GULP1: variants seen among roughly 807,000 people sequenced by gnomAD.
The protein encoded by GULP1 is PTB domain-containing engulfment adapter protein 1.
GULP1 carries 19 observed loss-of-function variants against 40.9 expected under a neutral mutation model. That is an observed-to-expected ratio of 0.46 (90% CI 0.32 to 0.68). GULP1 has a LOEUF of 0.68. Ranked by LOEUF, GULP1 falls within the 30% of genes least tolerant of loss-of-function variation. The probability of loss-of-function intolerance (pLI) is 0.03; values close to 1 mark genes in which losing one functional copy is unlikely to be tolerated. For missense variants in GULP1, 312 were observed against 362.2 expected, an observed-to-expected ratio of 0.86 and a Z score of 1.12; for synonymous variants, 119 against 117.6, an observed-to-expected ratio of 1.01 and a Z score of -0.08.
intron 10 of GULP1, among the ~76,000 whole-genome samples, chr2:188,586,493 T>C (rs923803817): frequency 2.0e-5 from 3 of 152,212 alleles, no homozygotes; most frequent in African/African-American, 7.2e-5. Context: ...TTTTGATTGA[T>C]TGCCTGAGCA....
intron 1 of GULP1, chr2:188,294,320 G>A (rs2034455577): frequency 1.3e-5 from 2 of 152,114 alleles, no homozygotes; most frequent in Admixed American, 1.3e-4. Context: ...AAACGTATCC[G>A]GCATGACTTC....
intron 2 of GULP1, among the ~76,000 whole-genome samples, chr2:188,433,770 C>G (rs1466226513): frequency 6.6e-6 from 1 of 152,106 alleles, no homozygotes; most frequent in African/African-American, 2.4e-5. Flanking sequence ...GCCCAATATG[C>G]ATGACCATGG....
At chr2:188,321,979 T>G (rs2040052591) in intron 1 of GULP1, among the ~76,000 whole-genome samples, 1 of 152,062 alleles carries the variant, frequency 6.6e-6, no homozygotes, top group Non-Finnish European at 1.5e-5. Flanking sequence ...CGAGCAAGAT[T>G]GTGCCATTGC....
At chr2:188,495,844 C>CG (rs943088799) in intron 4 of GULP1, among the ~76,000 whole-genome samples, 3 of 151,722 alleles carry the variant, frequency 2.0e-5, no homozygotes, top group African/African-American at 7.3e-5. Flanking sequence ...CTTTATTACA[C>CG]GGAAAAAAAA....
In GULP1 at chr2:188,407,033, A is replaced by T. The variant is rs753595946; in HGVS notation, c.-45+23144A>T. Among the ~76,000 whole-genome samples the T allele has an allele frequency of 3.5e-3, 535 of 152,302 alleles. 3 individuals are homozygous for T. Among genetic ancestry groups the T allele is most frequent in the Middle Eastern group, 6.8e-3 (2 of 294 alleles). ...AGAAGAAACATATCACACATAAGGG[A>T]GTTTCAAAGAGGCCAGCAGCAAACT... On this transcript the variant is annotated intron_variant, in intron 2 of 11. Coordinates refer to ENST00000409830, the MANE Select transcript of GULP1 (RefSeq NM_016315.4).
intron 2 of GULP1, among the ~76,000 whole-genome samples, chr2:188,404,365 G>C (rs552647533): frequency 1.6e-4 from 25 of 152,216 alleles, no homozygotes; most frequent in African/African-American, 6.0e-4. Context: ...ACAGTTAAAA[G>C]GACAGACACT....
intron 7 of GULP1, chr2:188,541,609 C>A: frequency 3.7e-6 from 2 of 535,214 alleles, no homozygotes; most frequent in Non-Finnish European, 3.3e-6. Context: ...ATAATTTAAT[C>A]TATTTTACAA....
chr2:188,506,133 G>T (rs947614423), intron 4 of GULP1, among the ~76,000 whole-genome samples: 1 of 151,806 alleles, frequency 6.6e-6, no homozygotes, highest in Non-Finnish European at 1.5e-5. Flanking sequence ...TATAACATTT[G>T]ATAAGTAGTG....
At chr2:188,559,417 A>G (rs902573526) in intron 7 of GULP1, among the ~76,000 whole-genome samples, 1 of 152,228 alleles carries the variant, frequency 6.6e-6, no homozygotes, top group African/African-American at 2.4e-5. Context: ...CTGGATGCCC[A>G]GGCAGAACTA....
chr2:188,362,733 T>C (rs2046256268), intron 1 of GULP1, among the ~76,000 whole-genome samples: 1 of 152,088 alleles, frequency 6.6e-6, no homozygotes, highest in South Asian at 2.1e-4. Context: ...CTGGACATTA[T>C]GGGTGTAGAT....
chr2:188,563,954 A>C (rs1369285317), intron 7 of GULP1, among the ~76,000 whole-genome samples: 1 of 151,986 alleles, frequency 6.6e-6, no homozygotes, highest in Non-Finnish European at 1.5e-5. Flanking sequence ...TTATCCCAGG[A>C]ATTCAAGTTT....
chr2:188,530,676 C>A (rs1035649316), intron 6 of GULP1, among the ~76,000 whole-genome samples: 1 of 152,048 alleles, frequency 6.6e-6, no homozygotes, highest in African/African-American at 2.4e-5. Flanking sequence ...CCAAACCTAC[C>A]GACACCTTGA....
chr2:188,399,457 CAAAGGCAACTTT>C (rs1369445988), intron 2 of GULP1, among the ~76,000 whole-genome samples: 1 of 151,892 alleles, frequency 6.6e-6, no homozygotes, highest in Non-Finnish European at 1.5e-5. Flanking sequence ...GAGTAGGTCC[CAAAGGCAACTTT>C]AAAGTTCTGG....
intron 1 of GULP1, among the ~76,000 whole-genome samples, chr2:188,329,100 T>C (rs1027113684): frequency 9.9e-5 from 15 of 151,980 alleles, no homozygotes; most frequent in African/African-American, 3.6e-4. Flanking sequence ...CTTCCCTCCT[T>C]CAATCATCAG....
intron 2 of GULP1, among the ~76,000 whole-genome samples, chr2:188,397,161 G>C (rs891622596): frequency 1.3e-5 from 2 of 152,114 alleles, no homozygotes; most frequent in African/African-American, 4.8e-5. Flanking sequence ...GAAAATTCAC[G>C]GTGTGATTAT....
At chr2:188,331,028 T>G (rs2041501874) in intron 1 of GULP1, among the ~76,000 whole-genome samples, 1 of 152,220 alleles carries the variant, frequency 6.6e-6, no homozygotes, top group Non-Finnish European at 1.5e-5. Flanking sequence ...TGTACCAAGT[T>G]TTTGTTAGAT....
Position 188,324,201 on chromosome 2 carries a change from T to C in GULP1, c.-172+32035T>C, listed in dbSNP as rs555088328. ...TCAGTCAGAACCCTCATGCTACTCATGCACAGAGATGTCTGTGATTACTCT... is the reference window on the plus strand; with the variant it reads ...TCAGTCAGAACCCTCATGCTACTCACGCACAGAGATGTCTGTGATTACTCT... On this transcript the variant is annotated intron_variant, in intron 1 of 11. Transcript: ENST00000409830. Among the ~76,000 whole-genome samples, 14 of 152,204 alleles carry C rather than the reference T, an allele frequency of 9.2e-5. No homozygotes were observed. In the South Asian group the frequency reaches 2.9e-3, roughly 32 times the overall value.
At chr2:188,403,974 C>T (rs2052684224) in intron 2 of GULP1, among the ~76,000 whole-genome samples, 1 of 152,134 alleles carries the variant, frequency 6.6e-6, no homozygotes, top group Non-Finnish European at 1.5e-5. Context: ...ACACTCACTA[C>T]TGAAATTGCT....
intron 2 of GULP1, among the ~76,000 whole-genome samples, chr2:188,395,656 T>TGACAAAGGGACCAAGGGAACA (rs1222272420): frequency 2.0e-5 from 3 of 152,146 alleles, no homozygotes; most frequent in Admixed American, 6.5e-5. Flanking sequence ...CATGAGGTGT[T>TGACAAAGGGACCAAGGGAACA]CCCTTGATAT....
Sources: allele counts gnomAD v4.1 joint callset (sites outside exome capture counted in the v4.1 genomes callset), GRCh38; gene constraint gnomAD v4.1.1; transcripts MANE v1.5; gene names NCBI Gene and HGNC (gene_info 2026-07-23, HGNC 2026-07-21).